The following MYRIP variants were observed in gnomAD, a reference collection of about 807,000 sequenced individuals.
MYRIP encodes the protein rab effector MyRIP.
Under a neutral mutation model 98.0 loss-of-function variants are expected in MYRIP, and 49 were observed. That is an observed-to-expected ratio of 0.50 (90% CI 0.40 to 0.63). MYRIP has a LOEUF of 0.63. Ranked by LOEUF, MYRIP falls within the 30% of genes least tolerant of loss-of-function variation. The probability of loss-of-function intolerance (pLI) is 0.00; values close to 1 mark genes in which losing one functional copy is unlikely to be tolerated. For missense variants in MYRIP, 1,004 were observed against 1,058.2 expected (o/e 0.95, Z 0.71); for synonymous variants, 404 against 409.5 (o/e 0.99, Z 0.16).
rs142450900 is a variant in MYRIP, at chr3:40,209,992, G to C, written c.1804G>C (p.Gly602Arg). The C allele has an allele frequency of 1.9e-6, 3 of 1,613,966 alleles. No homozygotes were observed. Among genetic ancestry groups the C allele is most frequent in the Non-Finnish European group, 2.5e-6 (3 of 1,179,972 alleles). Reference protein sequence around the residue: ...MKMSEKETSSGEDQESEPKTE... With the variant: ...MKMSEKETSSREDQESEPKTE... ...AATGAGTGAAAAGGAGACTTCTTCA[G>C]GGGAGGATCAGGAGTCTGAGCCCAA... Residue 602 changes from glycine to arginine, a missense_variant, in exon 11 of 17, where the codon GGG becomes CGG. Physicochemically the swap from Gly to Arg is moderately radical, Grantham distance 125. Coordinates refer to ENST00000302541, the MANE Select transcript of MYRIP (RefSeq NM_015460.4).
At chr3:39,864,655 A>G (rs1465921347) in intron 1 of MYRIP, among the ~76,000 whole-genome samples, 1 of 152,228 alleles carries the variant, frequency 6.6e-6, no homozygotes, top group African/African-American at 2.4e-5. Flanking sequence ...CTGTCATGAC[A>G]CAAACAAATG....
intron 3 of MYRIP, among the ~76,000 whole-genome samples, chr3:40,081,993 G>C (rs148810041): frequency 3.3e-5 from 5 of 152,160 alleles, no homozygotes; most frequent in African/African-American, 1.2e-4. Context: ...TGTTGCAAAT[G>C]ACAAAATTCC....
chr3:40,100,367 A>C (rs975775869), intron 3 of MYRIP: 1 of 765,482 alleles, frequency 1.3e-6, no homozygotes, highest in African/African-American at 1.9e-5. Context: ...GATGTTTTGC[A>C]ACAGAACTAT....
chr3:39,972,692 C>G (rs1945618548), intron 2 of MYRIP, among the ~76,000 whole-genome samples: 4 of 152,056 alleles, frequency 2.6e-5, no homozygotes, highest in African/African-American at 9.7e-5. Context: ...ACATGGGAAG[C>G]TCACACAGAT....
At chr3:39,878,231 T>A (rs1161510082) in intron 1 of MYRIP, among the ~76,000 whole-genome samples, 1 of 152,194 alleles carries the variant, frequency 6.6e-6, no homozygotes, top group Non-Finnish European at 1.5e-5. Flanking sequence ...TGACCCGATT[T>A]TCCAGGTGCT....
At chr3:40,206,663 A>G (rs946319098) in intron 10 of MYRIP, among the ~76,000 whole-genome samples, 1 of 152,084 alleles carries the variant, frequency 6.6e-6, no homozygotes, top group Non-Finnish European at 1.5e-5. Context: ...GTCTGGTTCA[A>G]TGTTCCTCTC....
rs766766767 is a variant in MYRIP, at chr3:40,190,387, C to T, written c.1589C>T (p.Ala530Val). 14 of 1,613,688 alleles carry T rather than the reference C, an allele frequency of 8.7e-6. No homozygotes were observed. The highest frequency in any genetic ancestry group is 2.7e-5 in the African/African-American group (2 of 74,886). ...TDRRARRWRR[A>V]RLGSEEPSKE... ...CGGCGGGCCAGGAGGTGGAGAAGAG[C>T]CCGACTGGGCTCAGAAGAGCCAAGC... Residue 530 changes from alanine (A) to valine (V), a missense_variant, in exon 10 of 17, where the codon GCC becomes GTC. Around this residue, in one of 3 missense-constraint regions of MYRIP, gnomAD observed 880 missense variants for 907.7 expected, o/e 0.97. Coordinates refer to ENST00000302541, the MANE Select transcript of MYRIP (RefSeq NM_015460.4).
chr3:40,014,973 T>C (rs1026645853), intron 2 of MYRIP, among the ~76,000 whole-genome samples: 3 of 152,208 alleles, frequency 2.0e-5, no homozygotes, highest in African/African-American at 7.2e-5. Context: ...TCATCTCACC[T>C]GTCCAGACCG....
chr3:40,160,642 C>A (rs967347287), intron 4 of MYRIP, among the ~76,000 whole-genome samples: 1 of 152,150 alleles, frequency 6.6e-6, no homozygotes, highest in African/African-American at 2.4e-5. Context: ...TAGCAATCAG[C>A]GAGACTCCGT....
intron 2 of MYRIP, among the ~76,000 whole-genome samples, chr3:39,918,438 T>C (rs1156943888): frequency 6.6e-6 from 1 of 152,156 alleles, no homozygotes; most frequent in Non-Finnish European, 1.5e-5. Flanking sequence ...AGTCATCCAT[T>C]TTGCAGTGCC....
chr3:40,108,494 A>G (rs1474573893), intron 3 of MYRIP, among the ~76,000 whole-genome samples: 1 of 152,142 alleles, frequency 6.6e-6, no homozygotes, highest in Non-Finnish European at 1.5e-5. Context: ...TGGGCAGAGG[A>G]AGAGGAGTCT....
intron 2 of MYRIP, among the ~76,000 whole-genome samples, chr3:39,928,312 A>G (rs1438699558): frequency 5.9e-5 from 9 of 151,810 alleles, no homozygotes. Context: ...CTACTTCTCA[A>G]TTTATTCCAT....
intron 2 of MYRIP, among the ~76,000 whole-genome samples, chr3:39,985,961 A>T (rs939152255): frequency 2.6e-5 from 4 of 152,220 alleles, no homozygotes; most frequent in East Asian, 3.9e-4. Flanking sequence ...GACAAATGGG[A>T]TCTAATTAAA....
At chr3:40,052,196 C>A (rs761100301) in intron 3 of MYRIP, among the ~76,000 whole-genome samples, 2 of 151,964 alleles carry the variant, frequency 1.3e-5, no homozygotes, top group African/African-American at 2.4e-5. Flanking sequence ...TCCTCACTTC[C>A]TTTCCCAGCC....
At chr3:39,944,865 T>C (rs758117393) in intron 2 of MYRIP, among the ~76,000 whole-genome samples, 3 of 152,236 alleles carry the variant, frequency 2.0e-5, no homozygotes, top group African/African-American at 4.8e-5. Flanking sequence ...AAGAGAAATA[T>C]TCATTTTTAC....
chr3:40,219,640 C>T (rs1216043812), intron 11 of MYRIP, among the ~76,000 whole-genome samples: 3 of 152,200 alleles, frequency 2.0e-5, no homozygotes, highest in African/African-American at 7.2e-5. Context: ...CAGCTTCATC[C>T]ATGTCCCTAC....
intron 2 of MYRIP, among the ~76,000 whole-genome samples, chr3:40,024,904 C>A (rs1376672395): frequency 6.6e-6 from 1 of 152,168 alleles, no homozygotes; most frequent in African/African-American, 2.4e-5. Flanking sequence ...GAAATAATTC[C>A]AGACATTTAT....
chr3:39,920,813 A>G (rs573341508), intron 2 of MYRIP, among the ~76,000 whole-genome samples: 3 of 152,178 alleles, frequency 2.0e-5, no homozygotes, highest in Non-Finnish European at 4.4e-5. Context: ...AGCAGTGCTC[A>G]TCCTAGCACC....
At chr3:39,813,211 A>G (rs75805320) in intron 1 of MYRIP, among the ~76,000 whole-genome samples, 2,436 of 152,286 alleles carry the variant, frequency 0.016, 58 homozygotes, top group African/African-American at 0.055. Flanking sequence ...CCCTGGCTGT[A>G]GCCACGCTAC....
Sources: allele counts gnomAD v4.1 joint callset (sites outside exome capture counted in the v4.1 genomes callset), GRCh38; gene constraint gnomAD v4.1.1; regional missense constraint gnomAD v4.1.1; transcripts MANE v1.5; gene names NCBI Gene and HGNC (gene_info 2026-07-23, HGNC 2026-07-21).